Variants in CASTOR2 observed in about 807,000 individuals in gnomAD.
The protein encoded by CASTOR2 is cytosolic arginine sensor for mTORC1 subunit 2.
CASTOR2 carries 8 observed loss-of-function variants against 31.2 expected under a neutral mutation model. The observed-to-expected ratio is 0.26, with a 90% CI of 0.15 to 0.46. CASTOR2 has a LOEUF of 0.46. Among genes scored for constraint, CASTOR2 ranks in the 20% least tolerant of loss-of-function variants. The pLI, the probability that CASTOR2 is intolerant of heterozygous loss-of-function variation, is 0.99. For synonymous variants in CASTOR2, 162 were observed against 158.7 expected (o/e 1.02, Z -0.16); for missense variants, 216 against 382.1 (o/e 0.57, Z 3.62).
rs1805193199 is a variant in CASTOR2 at position 75,028,254 on chromosome 7, G to A, written c.*3555G>A. ...TCCTACATTGGCCTCCCAAGTAGGT[G>A]AGATTACAGGCACTCACCACCACAC... On this transcript the variant is annotated 3_prime_UTR_variant, in exon 9 of 9. Coordinates refer to ENST00000616305, the MANE Select transcript of CASTOR2 (RefSeq NM_001145064.3). Among the ~76,000 whole-genome samples the A allele has an allele frequency of 6.6e-6, 1 of 151,956 alleles. No homozygotes were observed. Among genetic ancestry groups the A allele is most frequent in the Non-Finnish European group, 1.5e-5 (1 of 68,018 alleles).
intron 1 of CASTOR2, among the ~76,000 whole-genome samples, chr7:74,996,130 C>T (rs1219884683): frequency 1.3e-5 from 2 of 152,162 alleles, no homozygotes; most frequent in South Asian, 2.1e-4. Flanking sequence ...GGGTTAAGCT[C>T]ACCCAGCAAT....
At chr7:74,987,221 A>G (rs1242574611) in intron 1 of CASTOR2, among the ~76,000 whole-genome samples, 7 of 152,060 alleles carry the variant, frequency 4.6e-5, no homozygotes, top group Admixed American at 2.0e-4. Context: ...CCTGGCCAAC[A>G]TGGTGAAACC....
At chr7:74,981,714 A>T (rs1584460477) in intron 1 of CASTOR2, among the ~76,000 whole-genome samples, 2 of 150,200 alleles carry the variant, frequency 1.3e-5, no homozygotes, top group Non-Finnish European at 3.0e-5. Flanking sequence ...AGTATGAGCT[A>T]CCATGCCGGG....
chr7:74,974,302 AC>A (rs1803746773), intron 1 of CASTOR2, among the ~76,000 whole-genome samples: 2 of 148,664 alleles, frequency 1.3e-5, no homozygotes, highest in South Asian at 2.1e-4. Context: ...TCACTGAGAA[AC>A]CCCGCAGTGT....
chr7:75,016,497 CTCT>C (rs1404965899), intron 2 of CASTOR2, among the ~76,000 whole-genome samples: 1 of 152,174 alleles, frequency 6.6e-6, no homozygotes, highest in Non-Finnish European at 1.5e-5. Flanking sequence ...CTGGAGTTGC[CTCT>C]TCTTCCAGAG....
chr7:74,998,691 T>TG (rs1327888255), intron 1 of CASTOR2, among the ~76,000 whole-genome samples: 2 of 149,506 alleles, frequency 1.3e-5, no homozygotes, highest in African/African-American at 2.5e-5. Flanking sequence ...GATAGGCTGG[T>TG]GGGGGTGAAA....
chr7:75,025,554 G>A lies in CASTOR2; in HGVS notation c.*855G>A, dbSNP rs980454439. ...CCAGGCCTGAGGTTTCTTAGGTGGT[G>A]TCCCACCTCCCCAACAGACAACTAG... On this transcript the variant is annotated 3_prime_UTR_variant, in exon 9 of 9. Transcript: ENST00000616305. Among the ~76,000 whole-genome samples the A allele has an allele frequency of 6.6e-6, 1 of 152,286 alleles. No individual in the cohort carries two copies. The highest frequency in any genetic ancestry group is 2.1e-4 in the South Asian group (1 of 4,826).
chr7:75,020,769 A>G lies in CASTOR2; in HGVS notation c.746+620A>G, dbSNP rs955556295. The stretch of plus-strand genomic sequence containing the variant: ...CTCCCAAAGTGCTGGGATTACTGGC[A>G]TGAGCCACCGCAACCAGCCTGATTT... On this transcript the variant is annotated intron_variant, in intron 6 of 8. Transcript: ENST00000616305. Among the ~76,000 whole-genome samples the G allele has an allele frequency of 1.6e-3, 238 of 151,048 alleles. 1 individual carries two copies. The East Asian group carries it at 0.031, about 20-fold the overall frequency.
At chr7:74,975,219 T>C (rs1584457643) in intron 1 of CASTOR2, among the ~76,000 whole-genome samples, 1 of 151,502 alleles carries the variant, frequency 6.6e-6, no homozygotes, top group African/African-American at 2.4e-5. Context: ...CTGCCCGCCT[T>C]GGCCTCCCAA....
At chr7:75,001,612 G>A (rs1458192199) in intron 1 of CASTOR2, among the ~76,000 whole-genome samples, 1 of 152,212 alleles carries the variant, frequency 6.6e-6, no homozygotes, top group African/African-American at 2.4e-5. Context: ...ACATGAGGGC[G>A]GACAGGGTTT....
intron 1 of CASTOR2, among the ~76,000 whole-genome samples, chr7:74,965,905 C>G (rs1301698965): frequency 0.032 from 1,120 of 35,194 alleles, 325 homozygotes; most frequent in African/African-American, 0.12. Context: ...CTCTCTCTCT[C>G]TCTCTCTCAC....
chr7:74,992,620 A>C (rs1486190498), intron 1 of CASTOR2, among the ~76,000 whole-genome samples: 2 of 152,016 alleles, frequency 1.3e-5, no homozygotes, highest in African/African-American at 4.8e-5. Flanking sequence ...TTGTATTTTT[A>C]GTAGAGACGG....
chr7:75,006,873 C>T (rs1804618545), intron 1 of CASTOR2, among the ~76,000 whole-genome samples: 2 of 149,570 alleles, frequency 1.3e-5, no homozygotes, highest in Non-Finnish European at 1.5e-5. Context: ...AACCACCAAC[C>T]AGCCATGTGG....
At chr7:75,018,580 T>C (rs1259610506) in intron 4 of CASTOR2, among the ~76,000 whole-genome samples, 1 of 150,306 alleles carries the variant, frequency 6.7e-6, no homozygotes, top group Non-Finnish European at 1.5e-5. Flanking sequence ...AGGCAGGCCT[T>C]GCTGCCGTGT....
Position 75,004,271 on chromosome 7 carries a change from A to T in CASTOR2, c.114-3723A>T, listed in dbSNP as rs1313366417. ...ATTTGCTGTTGTCCTCAAAGCAATTATAGATTTCACGTGTCCAGGCAATAC... is the reference window on the plus strand; with the variant it reads ...ATTTGCTGTTGTCCTCAAAGCAATTTTAGATTTCACGTGTCCAGGCAATAC... On this transcript the variant is annotated intron_variant, in intron 1 of 8. Transcript: ENST00000616305. Among the ~76,000 whole-genome samples the T allele has an allele frequency of 1.2e-4, 19 of 152,274 alleles. No homozygotes were observed. In the South Asian group the frequency reaches 3.3e-3, roughly 27 times the overall value.
chr7:74,986,539 G>A (rs1331863171), intron 1 of CASTOR2, among the ~76,000 whole-genome samples: 79 of 152,036 alleles, frequency 5.2e-4, no homozygotes, highest in Non-Finnish European at 5.9e-5. Flanking sequence ...ATGGCTGCAG[G>A]TCTCAGTGTT....
At chr7:75,020,331 C>A (rs1804964936) in intron 6 of CASTOR2, among the ~76,000 whole-genome samples, 182 bp downstream of exon 6, 1 of 152,032 alleles carries the variant, frequency 6.6e-6, no homozygotes, top group East Asian at 1.9e-4. Context: ...CAACCTCCAC[C>A]TCTCAGGTTC....
chr7:74,972,616 G>C (rs1376955877), intron 1 of CASTOR2, among the ~76,000 whole-genome samples: 4 of 149,818 alleles, frequency 2.7e-5, no homozygotes, highest in Non-Finnish European at 5.9e-5. Context: ...GGTCATTCGT[G>C]TTCCTACATG....
rs1805182828 is a variant in CASTOR2, at chr7:75,027,900, T to G, written c.*3201T>G. The G allele has an allele frequency of 2.0e-6, 2 of 1,009,710 alleles. No homozygotes were observed. The highest frequency in any genetic ancestry group is 2.7e-5 in the South Asian group (2 of 73,112). 62.5% of individuals were successfully genotyped at this position (1,009,710 alleles called of 1,614,324 possible). ...CGTCTGCCCTTGTCCCCCAGCTATC[T>G]CCTGGTCTGCTGGGTGGGAGGGTCT... On this transcript the variant is annotated 3_prime_UTR_variant, in exon 9 of 9. Transcript: ENST00000616305.
Sources: gnomAD v4.1 joint callset for allele counts (sites outside exome capture counted in the v4.1 genomes callset) on GRCh38, gnomAD v4.1.1 for gene constraint, MANE v1.5 for transcripts, NCBI Gene and HGNC (gene_info 2026-07-23, HGNC 2026-07-21) for gene names.